ZNF556: variants seen among roughly 807,000 people sequenced by gnomAD.
ZNF556 encodes zinc finger protein 556.
ZNF556 carries 11 observed loss-of-function variants against 13.6 expected under a neutral mutation model. The observed-to-expected ratio is 0.81, with a 90% CI of 0.51 to 1.33. The LOEUF (loss-of-function observed/expected upper bound fraction) is 1.33. ZNF556 is among the 40% of genes most tolerant of loss of function. The probability of loss-of-function intolerance (pLI) is 0.00; values close to 1 mark genes in which losing one functional copy is unlikely to be tolerated. For synonymous variants in ZNF556, 229 were observed against 207.8 expected (o/e 1.10, Z -0.88); for missense variants, 633 against 566.2 (o/e 1.12, Z -1.20).
At chr19:2,869,259 C>G (rs1214673560) in intron 1 of ZNF556, among the ~76,000 whole-genome samples, 1 of 152,204 alleles carries the variant, frequency 6.6e-6, no homozygotes, top group Non-Finnish European at 1.5e-5. Context: ...TTGCTGGTAA[C>G]TCCATTATTC....
In ZNF556 at chr19:2,882,531, A is replaced by ATATATATATATATATAGTGTGTGTGT. The variant is rs57053138; in HGVS notation, c.*4202_*4203insTATATATATATATATAGTGTGTGTGT. The ATATATATATATATATAGTGTGTGTGT allele has an allele frequency of 7.8e-6, 1 of 127,722 alleles. No individual in the cohort carries two copies. The highest frequency in any genetic ancestry group is 1.6e-5 in the Non-Finnish European group (1 of 62,732). 7.9% of individuals were successfully genotyped at this position (127,722 alleles called of 1,614,324 possible). ...ATACATTTTATATATATATATATATAGTGTGTGTGTGTGTGTGTGTGTGTG... is the reference window on the plus strand; with the variant it reads ...ATACATTTTATATATATATATATATATATATATATATATATAGTGTGTGTGTGTGTGTGTGTGTGTGTGTGTGTGTG... On this transcript the variant is annotated 3_prime_UTR_variant, in exon 4 of 4. Transcript: ENST00000307635.
chr19:2,876,283 T>C lies in ZNF556; in HGVS notation c.314+7T>C, dbSNP rs1415579953. Reference sequence around the variant, plus strand: ...CCAAGGAGAGACATTTGAGGTGAGTTGTACTTAGAAGAAAAAGGCAGTATC... The same window carrying C: ...CCAAGGAGAGACATTTGAGGTGAGTCGTACTTAGAAGAAAAAGGCAGTATC... On this transcript the variant is annotated splice_region_variant and intron_variant, in intron 3 of 3. Coordinates refer to ENST00000307635, the MANE Select transcript of ZNF556 (RefSeq NM_024967.3). 6.4e-7 allele frequency: 1 copy of C among 1,564,742 alleles called. No individual in the cohort carries two copies. The highest frequency in any genetic ancestry group is 8.6e-7 in the Non-Finnish European group (1 of 1,162,362).
chr19:2,877,280 C>A lies in ZNF556; in HGVS notation c.322C>A (p.Pro108Thr). The change falls in exon 4 of 4, where the codon CCA becomes ACA. Residue 108 changes from proline to threonine, a missense_variant. Pro to Thr is a conservative substitution (Grantham distance 38). Coordinates refer to ENST00000307635, the MANE Select transcript of ZNF556 (RefSeq NM_024967.3). The stretch of plus-strand genomic sequence containing the variant: ...TGTGCTACCCATTTTTAGCAGAAAT[C>A]CAAGGGTGGAGAGACCATGTAAAAG... The part of the protein sequence containing the change: ...NTKERHLSRN[P>T]RVERPCKSSK... The A allele has an allele frequency of 1.3e-6, 2 of 1,599,622 alleles. No homozygotes were observed. Among genetic ancestry groups the A allele is most frequent in the South Asian group, 1.1e-5 (1 of 89,112 alleles).
In ZNF556 at chr19:2,873,501, A is replaced by G; in HGVS notation, c.9A>G (p.Thr3=). 6.2e-7 allele frequency: 1 copy of G among 1,614,106 alleles called. No individual in the cohort carries two copies. The highest frequency in any genetic ancestry group is 1.1e-5 in the South Asian group (1 of 91,084). MD[T]VVFEDVVVDF... Reference sequence around the variant, plus strand: ...ACATATGTGGTTTGTTTTAGGACACAGTGGTCTTTGAAGACGTGGTTGTGG... The same window carrying G: ...ACATATGTGGTTTGTTTTAGGACACGGTGGTCTTTGAAGACGTGGTTGTGG... The change falls in exon 2 of 4, where the codon ACA becomes ACG. Residue 3 remains threonine (T), a synonymous_variant. Transcript: ENST00000307635.
intron 1 of ZNF556, 26 bp from the exon 2 acceptor site, chr19:2,873,470 A>C: frequency 6.2e-7 from 1 of 1,612,882 alleles, no homozygotes; most frequent in South Asian, 1.1e-5. Flanking sequence ...CCCCATCCTC[A>C]TGTACACATA....
In ZNF556 at chr19:2,878,141, G is replaced by T. The variant is rs933180993; in HGVS notation, c.1183G>T (p.Glu395Ter). 4 of 1,614,012 alleles carry T rather than the reference G, an allele frequency of 2.5e-6. No homozygotes were observed. The highest frequency in any genetic ancestry group is 3.4e-6 in the Non-Finnish European group (4 of 1,180,040). The change falls in exon 4 of 4, where the codon GAG becomes TAG. Residue 395 changes from glutamate (E) to a stop codon, truncating the protein, a stop_gained. Coordinates refer to ENST00000307635, the MANE Select transcript of ZNF556 (RefSeq NM_024967.3). LOFTEE classifies it low-confidence loss of function (END_TRUNC). Reference protein sequence around the residue: ...LHKHERKHTGEKPVNAASVGK... With the variant: ...LHKHERKHTG ...CAAACATGAGAGAAAGCACACTGGG[G>T]AGAAACCTGTAAATGCAGCCAGTGT...
At position 2,877,560 on chromosome 19, in the gene ZNF556, A is replaced by C. The variant is rs757329952; in HGVS notation, c.602A>C (p.Lys201Thr). 25 of 1,614,030 alleles carry C rather than the reference A, an allele frequency of 1.5e-5. No individual in the cohort carries two copies. Among genetic ancestry groups the C allele is most frequent in the Admixed American group, 6.7e-5 (4 of 60,002 alleles). ...QTHEKTHSGE[K>T]PYACQSCGKT... ...CATGAGAAAACTCACAGTGGAGAGA[A>C]ACCCTATGCCTGTCAATCTTGCGGG... is the stretch of plus-strand genomic sequence containing the variant. Residue 201 changes from lysine (K) to threonine (T), a missense_variant, in exon 4 of 4, where the codon AAA becomes ACA. Physicochemically the swap from Lys to Thr is moderately conservative, Grantham distance 78. Coordinates refer to ENST00000307635, the MANE Select transcript of ZNF556 (RefSeq NM_024967.3).
At position 2,879,269 on chromosome 19, in the gene ZNF556, G is replaced by A. The variant is rs73523637; in HGVS notation, c.*940G>A. On this transcript the variant is annotated 3_prime_UTR_variant, in exon 4 of 4. Transcript: ENST00000307635. ...TTCTTGGAGGAGTGTAGTCTCGTGG[G>A]AACTATTTTTTTCATCTGTTGCTGT... The A allele has an allele frequency of 0.19, 28,975 of 151,550 alleles. 5,640 individuals carry two copies. Among genetic ancestry groups the A allele is most frequent in the African/African-American group, 0.51 (20,866 of 41,250 alleles). 9.4% of individuals were successfully genotyped at this position (151,550 alleles called of 1,614,324 possible).
At chr19:2,867,900 C>G (rs1447116578) in intron 1 of ZNF556, among the ~76,000 whole-genome samples, 2 of 152,112 alleles carry the variant, frequency 1.3e-5, no homozygotes, top group African/African-American at 2.4e-5. Context: ...GCCCGCAGGC[C>G]GGACTCCAGC....
At position 2,880,208 on chromosome 19, in the gene ZNF556, A is replaced by G. The variant is rs1256424797; in HGVS notation, c.*1879A>G. On this transcript the variant is annotated 3_prime_UTR_variant, in exon 4 of 4. Coordinates refer to ENST00000307635, the MANE Select transcript of ZNF556 (RefSeq NM_024967.3). The stretch of plus-strand genomic sequence containing the variant: ...TTCCTGTCACATAGAGCTGAATACA[A>G]TCTCTCAGTATGTGTTCAGTTATTA... The G allele has an allele frequency of 2.6e-5, 4 of 152,126 alleles. No individual in the cohort carries two copies. Among genetic ancestry groups the G allele is most frequent in the African/African-American group, 4.8e-5 (2 of 41,426 alleles). 9.4% of individuals were successfully genotyped at this position (152,126 alleles called of 1,614,324 possible). A position where few individuals can be genotyped will look rare whatever the true frequency, so the allele number is the denominator to read the frequency against.
Position 2,882,565 on chromosome 19 carries a change from T to TGTGTGTGA in ZNF556, c.*4237_*4238insTGTGTGAG, listed in dbSNP as rs1441523569. On this transcript the variant is annotated 3_prime_UTR_variant, in exon 4 of 4. Coordinates refer to ENST00000307635, the MANE Select transcript of ZNF556 (RefSeq NM_024967.3). Reference sequence around the variant, plus strand: ...GTGTGTGTGTGTGTGTGTGTGTGTGTGAATGTGTGTGACGGAGTTTTGCTC... The same window carrying TGTGTGTGA: ...GTGTGTGTGTGTGTGTGTGTGTGTGTGTGTGTGAGAATGTGTGTGACGGAGTTTTGCTC... The TGTGTGTGA allele has an allele frequency of 2.1e-4, 32 of 150,924 alleles. No homozygotes were observed. Among genetic ancestry groups the TGTGTGTGA allele is most frequent in the African/African-American group, 7.2e-4 (29 of 40,468 alleles). The allele number at this position is 150,924 out of a possible 1,614,324, so 9.3% of individuals were successfully genotyped here.
intron 1 of ZNF556, among the ~76,000 whole-genome samples, chr19:2,870,024 T>A (rs984906337): frequency 6.6e-6 from 1 of 152,218 alleles, no homozygotes; most frequent in Non-Finnish European, 1.5e-5. Flanking sequence ...GCCTAACCTC[T>A]GGCTGTTTCT....
rs1372632176 is a variant in ZNF556, at chr19:2,883,108, TC to T, written c.*4782del. On this transcript the variant is annotated 3_prime_UTR_variant, in exon 4 of 4. Coordinates refer to ENST00000307635, the MANE Select transcript of ZNF556 (RefSeq NM_024967.3). ...CAGTTGTAGCCCGTTGCGAGTGTTTTCCCATGTGCACAGTGATATCTAGGCA... is the reference window on the plus strand; with the variant it reads ...CAGTTGTAGCCCGTTGCGAGTGTTTTCCATGTGCACAGTGATATCTAGGCA... 1.3e-5 allele frequency: 2 copies of T among 152,264 alleles called. No individual in the cohort carries two copies. Among genetic ancestry groups the T allele is most frequent in the East Asian group, 1.9e-4 (1 of 5,184 alleles). The allele number at this position is 152,264 out of a possible 1,614,324, so 9.4% of individuals were successfully genotyped here. A position where few individuals can be genotyped will look rare whatever the true frequency, so the allele number is the denominator to read the frequency against.
At position 2,878,921 on chromosome 19, in the gene ZNF556, A is replaced by G. The variant is rs1005046433; in HGVS notation, c.*592A>G. 3 of 152,162 alleles carry G rather than the reference A, an allele frequency of 2.0e-5. No individual in the cohort carries two copies. Among genetic ancestry groups the G allele is most frequent in the African/African-American group, 7.2e-5 (3 of 41,426 alleles). 9.4% of individuals were successfully genotyped at this position (152,162 alleles called of 1,614,324 possible). ...TTTCATTTAGAAGTGTATTGCACCC[A>G]TGGGTGATCTGATGTATTTTAATAT... On this transcript the variant is annotated 3_prime_UTR_variant, in exon 4 of 4. Coordinates refer to ENST00000307635, the MANE Select transcript of ZNF556 (RefSeq NM_024967.3).
chr19:2,871,142 C>T (rs758942778), intron 1 of ZNF556, among the ~76,000 whole-genome samples: 32 of 150,682 alleles, frequency 2.1e-4, no homozygotes, highest in Non-Finnish European at 4.0e-4. Flanking sequence ...CCAGCCTGGG[C>T]GACAGAGTGA....
Position 2,877,268 on chromosome 19 carries a change from T to G in ZNF556, c.315-5T>G. 6.3e-7 allele frequency: 1 copy of G among 1,594,580 alleles called. No individual in the cohort carries two copies. Among genetic ancestry groups the G allele is most frequent in the Non-Finnish European group, 8.5e-7 (1 of 1,170,706 alleles). On this transcript the variant is annotated splice_region_variant and splice_polypyrimidine_tract_variant and intron_variant, in intron 3 of 3. Coordinates refer to ENST00000307635, the MANE Select transcript of ZNF556 (RefSeq NM_024967.3). ...AACCATTAATAATGTGCTACCCATT[T>G]TTAGCAGAAATCCAAGGGTGGAGAG... is the stretch of plus-strand genomic sequence containing the variant.
Position 2,871,952 on chromosome 19 carries a change from G to A in ZNF556, c.4-1544G>A, listed in dbSNP as rs111453007. On this transcript the variant is annotated intron_variant, in intron 1 of 3. Coordinates refer to ENST00000307635, the MANE Select transcript of ZNF556 (RefSeq NM_024967.3). ...CACTGGACAGGGGGCCCTTCCCTGCGTGGCAGCCGAGGCAGAGAGAGAGAG... is the reference window on the plus strand; with the variant it reads ...CACTGGACAGGGGGCCCTTCCCTGCATGGCAGCCGAGGCAGAGAGAGAGAG... Among the ~76,000 whole-genome samples the A allele has an allele frequency of 8.5e-5, 13 of 152,242 alleles. 1 individual carries two copies. Among genetic ancestry groups the A allele is most frequent in the South Asian group, 4.1e-4 (2 of 4,828 alleles).
intron 2 of ZNF556, among the ~76,000 whole-genome samples, chr19:2,874,559 A>G (rs2087833472): frequency 6.6e-6 from 1 of 151,958 alleles, no homozygotes; most frequent in Non-Finnish European, 1.5e-5. Flanking sequence ...CCTGGCTAAC[A>G]TAGTGAAACC....
chr19:2,874,758 A>AAAAGAAAGAAAG (rs572407996), intron 2 of ZNF556, among the ~76,000 whole-genome samples: 2 of 130,736 alleles, frequency 1.5e-5, no homozygotes, highest in Non-Finnish European at 3.2e-5. Context: ...AAAAAAAAAA[A>AAAAGAAAGAAAG]AAAGAAAGAA....
Sources: allele counts gnomAD v4.1 joint callset (sites outside exome capture counted in the v4.1 genomes callset), GRCh38; gene constraint gnomAD v4.1.1; transcripts MANE v1.5; gene names NCBI Gene and HGNC (gene_info 2026-07-23, HGNC 2026-07-21).